The following PRPSAP2 variants were observed in gnomAD, a reference collection of about 807,000 sequenced individuals.
The protein encoded by PRPSAP2 is phosphoribosyl pyrophosphate synthetase associated protein 2, also known as phosphoribosyl pyrophosphate synthase-associated protein 2.
Under a neutral mutation model 40.6 loss-of-function variants are expected in PRPSAP2, and 24 were observed. The observed-to-expected ratio is 0.59, with a 90% CI of 0.43 to 0.83. PRPSAP2 has a LOEUF of 0.83. PRPSAP2 is among the 40% of genes least tolerant of loss of function. PRPSAP2 has a pLI of 0.00. For missense variants in PRPSAP2, 292 were observed against 465.6 expected, an observed-to-expected ratio of 0.63 and a Z score of 3.43; for synonymous variants, 149 against 164.7, an observed-to-expected ratio of 0.90 and a Z score of 0.73.
intron 7 of PRPSAP2, among the ~76,000 whole-genome samples, chr17:18,887,127 G>C (rs927707608): frequency 7.9e-5 from 12 of 151,268 alleles, no homozygotes; most frequent in African/African-American, 2.9e-4. Flanking sequence ...GTAGAAAGGG[G>C]GTTTTCCATG....
rs531935320 is a variant in PRPSAP2, at chr17:18,913,268, T to G, written c.733+2017T>G. On this transcript the variant is annotated intron_variant, in intron 9 of 11. Coordinates refer to ENST00000268835, the MANE Select transcript of PRPSAP2 (RefSeq NM_002767.4). ...AGGTAGATGTGCCCCCACAGCTCAT[T>G]CACTCTGTGCACTGTGGAGATGGCC... Among the ~76,000 whole-genome samples, 8 of 152,306 alleles carry G rather than the reference T, an allele frequency of 5.3e-5. No individual in the cohort carries two copies. The South Asian group carries it at 1.7e-3, about 32-fold the overall frequency.
At position 18,911,253 on chromosome 17, in the gene PRPSAP2, T is replaced by G; in HGVS notation, c.733+2T>G. On this transcript the variant is annotated splice_donor_variant, in intron 9 of 11. Transcript: ENST00000268835. LOFTEE classifies it high-confidence loss of function. The surrounding 1 kb of genome is among the most constrained non-coding windows in gnomAD (Gnocchi z 4.5). ...TCCACCCCAGCCTGGAGATCCCCAGTAAGTGTGCTGCTGCCTCTTTCCCAC... is the reference window on the plus strand; with the variant it reads ...TCCACCCCAGCCTGGAGATCCCCAGGAAGTGTGCTGCTGCCTCTTTCCCAC... The G allele has an allele frequency of 6.2e-7, 1 of 1,606,278 alleles. No individual in the cohort carries two copies. The highest frequency in any genetic ancestry group is 8.5e-7 in the Non-Finnish European group (1 of 1,174,514).
At chr17:18,901,473 G>A (rs987595427) in intron 8 of PRPSAP2, among the ~76,000 whole-genome samples, 9 of 152,036 alleles carry the variant, frequency 5.9e-5, no homozygotes, top group Admixed American at 1.3e-4. Flanking sequence ...TCCGCCTCCC[G>A]GGTTCATGCC....
At chr17:18,899,519 GTTTTTTTTTT>G (rs574203117) in intron 8 of PRPSAP2, among the ~76,000 whole-genome samples, 1 of 60,554 alleles carries the variant, frequency 1.7e-5, no homozygotes, top group Non-Finnish European at 2.9e-5. Context: ...ATCCAACTGA[GTTTTTTTTTT>G]TTTTTTTTTT....
chr17:18,913,117 G>A (rs1403705892), intron 9 of PRPSAP2, among the ~76,000 whole-genome samples: 1 of 152,172 alleles, frequency 6.6e-6, no homozygotes, highest in Non-Finnish European at 1.5e-5. Context: ...TTGGGTCTTG[G>A]GGTGGTCTTG....
intron 10 of PRPSAP2, among the ~76,000 whole-genome samples, chr17:18,925,484 CTG>C (rs2041920982): frequency 6.6e-6 from 1 of 152,170 alleles, no homozygotes; most frequent in Admixed American, 6.5e-5. Context: ...TTGCTCAACA[CTG>C]TTATTGAAAT....
rs931961045 is a variant in PRPSAP2 at position 18,930,792 on chromosome 17, C to T, written c.*94C>T. 1.9e-5 allele frequency: 22 copies of T among 1,162,360 alleles called. No homozygotes were observed. In the African/African-American group the frequency reaches 3.2e-4, roughly 17 times the overall value. 72.0% of individuals were successfully genotyped at this position (1,162,360 alleles called of 1,614,324 possible). A position where few individuals can be genotyped will look rare whatever the true frequency, so the allele number is the denominator to read the frequency against. On this transcript the variant is annotated 3_prime_UTR_variant, in exon 12 of 12. Coordinates refer to ENST00000268835, the MANE Select transcript of PRPSAP2 (RefSeq NM_002767.4). ...TTCACAGGAACCGTCATGCTTGTTCCTCCCTCTCCCCTGTAACCTCACTTC... is the reference window on the plus strand; with the variant it reads ...TTCACAGGAACCGTCATGCTTGTTCTTCCCTCTCCCCTGTAACCTCACTTC...
At chr17:18,880,092 G>A (rs141260404) in intron 6 of PRPSAP2, among the ~76,000 whole-genome samples, 271 of 151,916 alleles carry the variant, frequency 1.8e-3, no homozygotes, top group African/African-American at 6.2e-3. Context: ...GCAAAACTCC[G>A]TCTCAAAAAA....
chr17:18,875,281 G>A (rs2038194833), intron 5 of PRPSAP2, among the ~76,000 whole-genome samples: 1 of 151,988 alleles, frequency 6.6e-6, no homozygotes, highest in African/African-American at 2.4e-5. Context: ...TTAGTGTTGA[G>A]GGCCAGATGT....
chr17:18,929,339 A>T (rs916926932), intron 11 of PRPSAP2, among the ~76,000 whole-genome samples: 5 of 148,810 alleles, frequency 3.4e-5, no homozygotes, highest in Non-Finnish European at 1.5e-5. Context: ...CCTGGGTGAC[A>T]GAATGAGACT....
At chr17:18,890,086 T>C (rs1331551170) in intron 8 of PRPSAP2, among the ~76,000 whole-genome samples, 1 of 151,974 alleles carries the variant, frequency 6.6e-6, no homozygotes, top group African/African-American at 2.4e-5. Flanking sequence ...TCCCACTCTA[T>C]GATTGCCAGA....
At chr17:18,890,605 C>T (rs2039482847) in intron 8 of PRPSAP2, among the ~76,000 whole-genome samples, 1 of 152,200 alleles carries the variant, frequency 6.6e-6, no homozygotes. Flanking sequence ...AGCCACTGCG[C>T]CTGACCTCAA....
chr17:18,877,548 C>T, intron 5 of PRPSAP2, 150 bp from the exon 6 acceptor site: 1 of 633,666 alleles, frequency 1.6e-6, no homozygotes, highest in Non-Finnish European at 2.6e-6. Context: ...CTTATGGAGG[C>T]CTGAGAAAAG....
intron 6 of PRPSAP2, among the ~76,000 whole-genome samples, chr17:18,879,296 G>GT (rs1346828192): frequency 6.8e-6 from 1 of 146,604 alleles, no homozygotes; most frequent in African/African-American, 2.5e-5. Context: ...TTTTTTGTTT[G>GT]TTTTTTGAGA....
chr17:18,878,587 CG>C (rs1172934918), intron 6 of PRPSAP2, among the ~76,000 whole-genome samples: 4 of 152,006 alleles, frequency 2.6e-5, no homozygotes, highest in African/African-American at 9.7e-5. Context: ...GATGGAGTTT[CG>C]CTCCTGTTGC....
At chr17:18,923,866 T>G in intron 9 of PRPSAP2, 48 bp from the exon 10 acceptor site, 1 of 1,500,996 alleles carries the variant, frequency 6.7e-7, no homozygotes, top group Non-Finnish European at 9.1e-7. Flanking sequence ...AAGTTTTGTT[T>G]TACTTTTTAA....
intron 4 of PRPSAP2, among the ~76,000 whole-genome samples, chr17:18,868,336 T>C (rs2037579294): frequency 6.6e-6 from 1 of 151,706 alleles, no homozygotes; most frequent in South Asian, 2.1e-4. Flanking sequence ...TTTGCTGGGC[T>C]TGGTGGCAGG....
At chr17:18,880,399 T>C (rs2038643449) in intron 6 of PRPSAP2, among the ~76,000 whole-genome samples, 1 of 152,318 alleles carries the variant, frequency 6.6e-6, no homozygotes, top group East Asian at 1.9e-4. Context: ...GCAGTTTGTC[T>C]TGATATCTTT....
intron 10 of PRPSAP2, 72 bp downstream of exon 10, chr17:18,924,056 T>A: frequency 7.3e-7 from 1 of 1,375,010 alleles, no homozygotes; most frequent in Non-Finnish European, 1.0e-6. Context: ...GATTGATTGA[T>A]TTTATTACAG....
Sources: allele counts gnomAD v4.1 joint callset (sites outside exome capture counted in the v4.1 genomes callset), GRCh38; gene constraint gnomAD v4.1.1; non-coding constraint Gnocchi (gnomAD v3.1); transcripts MANE v1.5; gene names NCBI Gene and HGNC (gene_info 2026-07-23, HGNC 2026-07-21).